NAF1: variants seen among roughly 807,000 people sequenced by gnomAD.
NAF1 encodes the protein H/ACA ribonucleoprotein complex non-core subunit NAF1.
A neutral mutation model predicts 40.6 loss-of-function variants in NAF1; 11 were observed. The ratio of observed to expected loss-of-function variants is 0.27; its 90% CI spans 0.17 to 0.45. The LOEUF is 0.45. NAF1 is among the 20% of genes least tolerant of loss of function. The pLI is 1.00. For missense variants in NAF1, 607 were observed against 611.1 expected, an observed-to-expected ratio of 0.99 and a Z score of 0.07; for synonymous variants, 260 against 228.5, an observed-to-expected ratio of 1.14 and a Z score of -1.24.
chr4:163,147,927 C>T (rs532331111), intron 3 of NAF1, among the ~76,000 whole-genome samples: 1 of 151,984 alleles, frequency 6.6e-6, no homozygotes, highest in African/African-American at 2.4e-5. Flanking sequence ...CCAAAAAGAG[C>T]AAGGAAGTAA....
exon 3 of NAF1, chr4:163,110,235 C>T (rs1440032149): frequency 1.4e-6 from 1 of 699,758 alleles, no homozygotes; most frequent in Admixed American, 2.0e-5. Flanking sequence ...ACAGTACTCT[C>T]CCCTCATCTG....
chr4:163,145,084 A>G (rs891378726), intron 4 of NAF1, among the ~76,000 whole-genome samples: 1 of 152,330 alleles, frequency 6.6e-6, no homozygotes, highest in African/African-American at 2.4e-5. Context: ...CAGGAAATAA[A>G]TACTTACTTA....
At chr4:163,140,740 T>C (rs1193627707) in intron 4 of NAF1, among the ~76,000 whole-genome samples, 4 of 152,214 alleles carry the variant, frequency 2.6e-5, no homozygotes, top group East Asian at 1.9e-4. Flanking sequence ...AGGATTATAA[T>C]TGGTAACTTT....
rs771306189 is a variant in NAF1 at position 163,137,258 on chromosome 4, G to A, written c.879-8C>T. Reference sequence around the variant, plus strand: ...GCATCTGATCCCTTATCCCTGAGTGGGGTGGGGATGGGAGTCAAAAAAGTA... The same window carrying A: ...GCATCTGATCCCTTATCCCTGAGTGAGGTGGGGATGGGAGTCAAAAAAGTA... On this transcript the variant is annotated splice_polypyrimidine_tract_variant and splice_region_variant and intron_variant, in intron 5 of 7. Coordinates refer to ENST00000274054, the MANE Select transcript of NAF1 (RefSeq NM_138386.3). 6.2e-6 allele frequency: 10 copies of A among 1,602,770 alleles called. No homozygotes were observed. Among genetic ancestry groups the A allele is most frequent in the Non-Finnish European group, 7.7e-6 (9 of 1,174,310 alleles).
At chr4:163,157,980 T>C (rs957696531) in intron 2 of NAF1, among the ~76,000 whole-genome samples, 5 of 152,086 alleles carry the variant, frequency 3.3e-5, no homozygotes, top group African/African-American at 9.7e-5. Flanking sequence ...AAAAAGAGTA[T>C]CAGTAAATTG....
intron 2 of NAF1, among the ~76,000 whole-genome samples, chr4:163,154,537 G>A (rs1221162597): frequency 6.6e-6 from 1 of 152,178 alleles, no homozygotes; most frequent in Non-Finnish European, 1.5e-5. Context: ...TCTGAATTAA[G>A]GGAAAACAGA....
chr4:163,132,638 G>A (rs1730914205), intron 7 of NAF1, among the ~76,000 whole-genome samples: 1 of 152,180 alleles, frequency 6.6e-6, no homozygotes, highest in Admixed American at 6.5e-5. Context: ...TGGAAATGTT[G>A]TATAGCTTCA....
chr4:163,165,545 C>G (rs1459923729), intron 1 of NAF1, among the ~76,000 whole-genome samples: 3 of 152,022 alleles, frequency 2.0e-5, no homozygotes, highest in Non-Finnish European at 4.4e-5. Flanking sequence ...CATTTCATAC[C>G]CTCTCCTTCT....
intron 7 of NAF1, among the ~76,000 whole-genome samples, chr4:163,130,361 T>C (rs1730823849): frequency 6.6e-6 from 1 of 151,966 alleles, no homozygotes; most frequent in Admixed American, 6.6e-5. Flanking sequence ...AAAATTAAAA[T>C]TACAAAGTTT....
chr4:163,166,591 G>T lies in NAF1; in HGVS notation c.137C>A (p.Ser46Ter). Reference sequence around the variant, plus strand: ...CCCAGCGTCCGGGGACCCCTCAAACGACTGTAGCGGCGGCTGTGTCCCTGG... The same window carrying T: ...CCCAGCGTCCGGGGACCCCTCAAACTACTGTAGCGGCGGCTGTGTCCCTGG... ...PVPGTQPPLQ[S>*]FEGSPDAGQT... is the part of the protein sequence containing the mutation. Residue 46 changes from serine to a stop codon, truncating the protein, a stop_gained, in exon 1 of 8, where the codon TCG becomes TAG. Transcript: ENST00000274054. LOFTEE classifies it high-confidence loss of function. The T allele has an allele frequency of 6.2e-7, 1 of 1,611,646 alleles. No homozygotes were observed. The highest frequency in any genetic ancestry group is 1.1e-5 in the South Asian group (1 of 90,802).
intron 2 of NAF1, among the ~76,000 whole-genome samples, chr4:163,162,036 T>C (rs983946910): frequency 1.3e-5 from 2 of 152,160 alleles, no homozygotes; most frequent in African/African-American, 4.8e-5. Context: ...GGAGTGACTA[T>C]GTGACTCACA....
At chr4:163,139,965 A>G (rs1731193665) in intron 5 of NAF1, among the ~76,000 whole-genome samples, 1 of 152,128 alleles carries the variant, frequency 6.6e-6, no homozygotes, top group African/African-American at 2.4e-5. Context: ...TAATGGAAAA[A>G]ACACTGAACT....
chr4:163,147,567 T>C (rs1731520137), intron 3 of NAF1, among the ~76,000 whole-genome samples: 1 of 152,174 alleles, frequency 6.6e-6, no homozygotes. Context: ...TTAATAACAG[T>C]ATTAAATTAC....
In NAF1 at chr4:163,129,044, A is replaced by AGGTGGGGGTGGT; in HGVS notation, c.1326_1337dup (p.Pro443_Pro446dup). The AGGTGGGGGTGGT allele has an allele frequency of 3.4e-6, 3 of 888,296 alleles. No homozygotes were observed. The highest frequency in any genetic ancestry group is 4.4e-6 in the Non-Finnish European group (3 of 676,078). 55.0% of individuals were successfully genotyped at this position (888,296 alleles called of 1,614,324 possible). A position where few individuals can be genotyped will look rare whatever the true frequency, so the allele number is the denominator to read the frequency against. On this transcript the variant is annotated inframe_insertion, in exon 8 of 8. Coordinates refer to ENST00000274054, the MANE Select transcript of NAF1 (RefSeq NM_138386.3). Reference sequence around the variant, plus strand: ...TTGGTGTAGCCCAACCCATGTTTACAGGTGGGGGTGGTGGTGGGGGTGGAG... The same window carrying AGGTGGGGGTGGT: ...TTGGTGTAGCCCAACCCATGTTTACAGGTGGGGGTGGTGGTGGGGGTGGTGGTGGGGGTGGAG...
chr4:163,124,147 G>A (rs976002123), downstream of NAF1, among the ~76,000 whole-genome samples: 10 of 152,332 alleles, frequency 6.6e-5, no homozygotes, highest in Admixed American at 2.0e-4. Flanking sequence ...CTTGAGGCCA[G>A]GTGTCCGAGG....
chr4:163,137,176 T>C, intron 6 of NAF1, 23 bp downstream of exon 6: 2 of 1,611,728 alleles, frequency 1.2e-6, no homozygotes, highest in Non-Finnish European at 1.7e-6. Context: ...TATAAAATGT[T>C]GCATAAAAAG....
At chr4:163,105,410 T>C (rs1010684564), downstream of NAF1, among the ~76,000 whole-genome samples, 3 of 152,232 alleles carry the variant, frequency 2.0e-5, no homozygotes, top group Admixed American at 2.0e-4. Flanking sequence ...CTGTAAATAG[T>C]TCCTAAAGTA....
At chr4:163,131,960 G>C (rs949391335) in intron 7 of NAF1, among the ~76,000 whole-genome samples, 4 of 152,186 alleles carry the variant, frequency 2.6e-5, no homozygotes, top group Non-Finnish European at 5.9e-5. Flanking sequence ...CACATGGAAA[G>C]ATGTTCAATG....
chr4:163,110,476 A>G (rs1730127392), intron 2 of NAF1, among the ~76,000 whole-genome samples: 1 of 152,172 alleles, frequency 6.6e-6, no homozygotes, highest in Non-Finnish European at 1.5e-5. Flanking sequence ...CATGGTATAT[A>G]TAGGGTTCGC....
Sources: allele counts gnomAD v4.1 joint callset (sites outside exome capture counted in the v4.1 genomes callset), GRCh38; gene constraint gnomAD v4.1.1; transcripts MANE v1.5; gene names NCBI Gene and HGNC (gene_info 2026-07-23, HGNC 2026-07-21).